SORCS2: variants seen among roughly 807,000 people sequenced by gnomAD.
SORCS2 encodes the protein sortilin related VPS10 domain containing receptor 2, also known as VPS10 domain-containing receptor SorCS2.
SORCS2 carries 100 observed loss-of-function variants against 141.6 expected under a neutral mutation model. The ratio of observed to expected loss-of-function variants is 0.71; its 90% CI spans 0.60 to 0.83. The LOEUF (loss-of-function observed/expected upper bound fraction) is 0.83. Among genes scored for constraint, SORCS2 ranks in the 40% least tolerant of loss-of-function variants. The pLI is 0.00. For missense variants in SORCS2, 1,646 were observed against 1,560.2 expected (o/e 1.05, Z -0.93); for synonymous variants, 789 against 676.9 (o/e 1.17, Z -2.57).
chr4:7,235,556 G>A (rs571034087), intron 1 of SORCS2, among the ~76,000 whole-genome samples: 1 of 152,364 alleles, frequency 6.6e-6, no homozygotes, highest in African/African-American at 2.4e-5. Flanking sequence ...GCCCCCAGAG[G>A]TGATTAGCGG....
rs1722544504 is a variant in SORCS2 at position 7,667,008 on chromosome 4, A to G, written c.1072-116A>G. ...TGTTCATTTCAAGCAGAACAGGTAGAAGGAAAGTAAAAGGGCATTTTCACT... is the reference window on the plus strand; with the variant it reads ...TGTTCATTTCAAGCAGAACAGGTAGGAGGAAAGTAAAAGGGCATTTTCACT... On this transcript the variant is annotated intron_variant, in intron 7 of 26. Coordinates refer to ENST00000507866, the MANE Select transcript of SORCS2 (RefSeq NM_020777.3). The G allele has an allele frequency of 3.3e-6, 3 of 910,038 alleles. No individual in the cohort carries two copies. The East Asian group carries it at 7.3e-5, about 22-fold the overall frequency. 56.4% of individuals were successfully genotyped at this position (910,038 alleles called of 1,614,324 possible).
chr4:7,478,214 T>C (rs1350191025), intron 2 of SORCS2, among the ~76,000 whole-genome samples: 1 of 152,014 alleles, frequency 6.6e-6, no homozygotes, highest in Non-Finnish European at 1.5e-5. Flanking sequence ...GAGTATGCAG[T>C]GATGTGGGCG....
At chr4:7,574,443 C>T (rs1715611498) in intron 3 of SORCS2, among the ~76,000 whole-genome samples, 2 of 152,334 alleles carry the variant, frequency 1.3e-5, no homozygotes, top group African/African-American at 2.4e-5. Flanking sequence ...TTCCAGCTCT[C>T]GCCCCTGCCT....
chr4:7,570,986 C>T (rs924492495), intron 3 of SORCS2, among the ~76,000 whole-genome samples: 7 of 152,164 alleles, frequency 4.6e-5, no homozygotes, highest in East Asian at 1.9e-4. Flanking sequence ...ACTTCAGAGG[C>T]GCAGCCACTC....
intron 12 of SORCS2, among the ~76,000 whole-genome samples, chr4:7,700,409 G>T (rs1035881886): frequency 6.6e-6 from 1 of 152,136 alleles, no homozygotes; most frequent in South Asian, 2.1e-4. Flanking sequence ...CTCTCCCTAG[G>T]CTATGAATCT....
At position 7,664,620 on chromosome 4, in the gene SORCS2, G is replaced by A. The variant is rs537627591; in HGVS notation, c.1071+149G>A. ...ACTTCGCAGGTCACGGTTTCTGACC[G>A]TGGCTGTGGCTGCAGCCATCCACAG... On this transcript the variant is annotated intron_variant, in intron 7 of 26. Transcript: ENST00000507866. The surrounding 1 kb of genome is among the most constrained non-coding windows in gnomAD (Gnocchi z 4.7). The A allele has an allele frequency of 1.9e-4, 119 of 623,058 alleles. 1 individual carries two copies. The highest frequency in any genetic ancestry group is 1.4e-3 in the East Asian group (49 of 33,816). 38.6% of individuals were successfully genotyped at this position (623,058 alleles called of 1,614,324 possible).
intron 1 of SORCS2, among the ~76,000 whole-genome samples, chr4:7,373,706 G>C (rs987588071): frequency 2.6e-5 from 4 of 151,136 alleles, no homozygotes; most frequent in African/African-American, 9.7e-5. Context: ...TGGCCAGGCT[G>C]GTCTCGAACT....
chr4:7,683,485 C>T (rs1023641592), intron 10 of SORCS2, among the ~76,000 whole-genome samples: 5 of 152,246 alleles, frequency 3.3e-5, no homozygotes, highest in African/African-American at 1.2e-4. Flanking sequence ...CTGCTCTGCA[C>T]ATCTTGCATC....
intron 2 of SORCS2, among the ~76,000 whole-genome samples, chr4:7,518,830 C>G (rs939952894): frequency 6.6e-6 from 1 of 152,130 alleles, no homozygotes; most frequent in African/African-American, 2.4e-5. Context: ...CCATCAAACG[C>G]AGCTTCCCCC....
At chr4:7,292,726 T>G (rs1560168903) in intron 1 of SORCS2, among the ~76,000 whole-genome samples, 1 of 152,192 alleles carries the variant, frequency 6.6e-6, no homozygotes, top group Non-Finnish European at 1.5e-5. Context: ...AGGGCAGGGC[T>G]TGGGGCCTGG....
At chr4:7,294,487 G>A (rs1236027451) in intron 1 of SORCS2, among the ~76,000 whole-genome samples, 2 of 151,778 alleles carry the variant, frequency 1.3e-5, no homozygotes, top group Non-Finnish European at 2.9e-5. Context: ...AGTGTGCAGA[G>A]CACCTGCCCC....
intron 8 of SORCS2, among the ~76,000 whole-genome samples, chr4:7,671,319 C>T (rs1722784083): frequency 6.6e-6 from 1 of 150,870 alleles, no homozygotes; most frequent in Non-Finnish European, 1.5e-5. Context: ...TACAAAGAAA[C>T]AGGAAAGTAT....
chr4:7,364,355 C>T (rs1272068071), intron 1 of SORCS2, among the ~76,000 whole-genome samples: 1 of 152,186 alleles, frequency 6.6e-6, no homozygotes, highest in African/African-American at 2.4e-5. Flanking sequence ...TTTTCGGTGA[C>T]ATCTTGCTCT....
At chr4:7,588,795 C>T (rs138895867) in intron 3 of SORCS2, among the ~76,000 whole-genome samples, 64 of 152,344 alleles carry the variant, frequency 4.2e-4, no homozygotes, top group African/African-American at 1.4e-3. Context: ...CAATACAGTG[C>T]AGTGAATGCT....
chr4:7,322,735 T>G (rs1718976416), intron 1 of SORCS2, among the ~76,000 whole-genome samples: 1 of 152,178 alleles, frequency 6.6e-6, no homozygotes, highest in Non-Finnish European at 1.5e-5. Context: ...GATTTCCTTC[T>G]CGGGAGAGTT....
At chr4:7,654,338 C>T (rs1721621406) in intron 5 of SORCS2, 131 bp downstream of exon 5, 6 of 897,360 alleles carry the variant, frequency 6.7e-6, no homozygotes, top group South Asian at 3.2e-5. Context: ...GGGGCTGGGT[C>T]CCCACCGTCC....
At chr4:7,601,988 T>C (rs1717725059) in intron 3 of SORCS2, among the ~76,000 whole-genome samples, 1 of 152,086 alleles carries the variant, frequency 6.6e-6, no homozygotes, top group African/African-American at 2.4e-5. Context: ...GGGTTGGGGG[T>C]AAGGCCATAG....
chr4:7,693,784 C>A (rs1318712670), intron 11 of SORCS2, among the ~76,000 whole-genome samples: 1 of 152,250 alleles, frequency 6.6e-6, no homozygotes, highest in Non-Finnish European at 1.5e-5. Context: ...CCCTCCCTAG[C>A]ACAGTCCCTT....
chr4:7,693,666 G>T (rs1724400936), intron 11 of SORCS2, among the ~76,000 whole-genome samples: 1 of 152,240 alleles, frequency 6.6e-6, no homozygotes, highest in African/African-American at 2.4e-5. Flanking sequence ...GTAGCATTTA[G>T]CCAAGAAAAG....
Sources: gnomAD v4.1 joint callset for allele counts (sites outside exome capture counted in the v4.1 genomes callset) on GRCh38, gnomAD v4.1.1 for gene constraint, Gnocchi (gnomAD v3.1) non-coding constraint, MANE v1.5 for transcripts, NCBI Gene and HGNC (gene_info 2026-07-23, HGNC 2026-07-21) for gene names.